The following PLD1 variants were observed in gnomAD, a reference collection of about 807,000 sequenced individuals.
PLD1 encodes the protein phospholipase D1.
A neutral mutation model predicts 137.1 loss-of-function variants in PLD1; 112 were observed. The ratio of observed to expected loss-of-function variants is 0.82; its 90% CI spans 0.70 to 0.96. The LOEUF (loss-of-function observed/expected upper bound fraction) is 0.96, where lower values mean the gene tolerates loss of function less well. Ranked by LOEUF, PLD1 falls within the 40% of genes least tolerant of loss-of-function variation. The pLI is 0.00. For synonymous variants in PLD1, 431 were observed against 454.7 expected, an observed-to-expected ratio of 0.95 and a Z score of 0.66; for missense variants, 1,321 against 1,342.0, an observed-to-expected ratio of 0.98 and a Z score of 0.24.
chr3:171,658,774 T>C (rs1164979423), intron 21 of PLD1, among the ~76,000 whole-genome samples: 1 of 152,170 alleles, frequency 6.6e-6, no homozygotes, highest in Non-Finnish European at 1.5e-5. Context: ...ATAGTTTAAG[T>C]GGCTGGATTA....
At chr3:171,649,474 T>C (rs1252000444) in intron 21 of PLD1, among the ~76,000 whole-genome samples, 1 of 152,234 alleles carries the variant, frequency 6.6e-6, no homozygotes, top group Non-Finnish European at 1.5e-5. Flanking sequence ...ATCTGCCTCC[T>C]TGATCCAATC....
chr3:171,706,633 C>T (rs12491008), intron 11 of PLD1, among the ~76,000 whole-genome samples: 1 of 152,134 alleles, frequency 6.6e-6, no homozygotes, highest in Non-Finnish European at 1.5e-5. Context: ...CATACTGACT[C>T]CATACAGAGA....
At chr3:171,611,715 G>A (rs958203614) in intron 25 of PLD1, 2 of 482,574 alleles carry the variant, frequency 4.1e-6, no homozygotes, top group Non-Finnish European at 8.2e-6. Context: ...TTATATCCTT[G>A]TATTACTGGA....
chr3:171,637,300 A>G (rs9858001), intron 23 of PLD1, among the ~76,000 whole-genome samples: 12,028 of 152,166 alleles, frequency 0.079, 1,350 homozygotes, highest in African/African-American at 0.25. Flanking sequence ...CAGTGGTGCA[A>G]TCTTGGCTCA....
chr3:171,793,148 C>T (rs1723286858), intron 1 of PLD1: 1 of 154,640 alleles, frequency 6.5e-6, no homozygotes, highest in African/African-American at 2.4e-5. Flanking sequence ...TACTGTAGCT[C>T]CCCTACAAAA....
In PLD1 at chr3:171,803,204, G is replaced by A. The variant is rs147974209; in HGVS notation, c.-32+7195C>T. Among the ~76,000 whole-genome samples, 22 of 152,314 alleles carry A rather than the reference G, an allele frequency of 1.4e-4. No individual in the cohort carries two copies. In the East Asian group the frequency reaches 4.2e-3, roughly 29 times the overall value. On this transcript the variant is annotated intron_variant, in intron 1 of 26. Coordinates refer to ENST00000351298, the MANE Select transcript of PLD1 (RefSeq NM_002662.5). Reference sequence around the variant, plus strand: ...CAAGGGTTAAATTGAATGCAGTTGAGACTTGTACCAGACCAGATCATAGGC... The same window carrying A: ...CAAGGGTTAAATTGAATGCAGTTGAAACTTGTACCAGACCAGATCATAGGC...
chr3:171,688,839 T>C lies in PLD1; in HGVS notation c.1376A>G (p.Tyr459Cys), dbSNP rs774453063. 1.9e-6 allele frequency: 3 copies of C among 1,613,892 alleles called. No individual in the cohort carries two copies. The highest frequency in any genetic ancestry group is 2.2e-5 in the East Asian group (1 of 44,880). ...AAGCTTCTCATGGTGAGCCCACAAA[T>C]AGACGGTGGATGACACATGATCCGG... ...RHPDHVSSTV[Y>C]LWAHHEKLVI... The change falls in exon 14 of 27, where the codon TAT becomes TGT. Residue 459 changes from tyrosine (Y) to cysteine (C), a missense_variant. Coordinates refer to ENST00000351298, the MANE Select transcript of PLD1 (RefSeq NM_002662.5).
At chr3:171,603,383 A>G (rs1254789207) in intron 26 of PLD1, 81 bp from the exon 27 acceptor site, 1 of 895,860 alleles carries the variant, frequency 1.1e-6, no homozygotes, top group African/African-American at 1.7e-5. Context: ...TTATTCCAAC[A>G]GACAAGACCT....
At chr3:171,757,041 C>A (rs923579887) in intron 1 of PLD1, among the ~76,000 whole-genome samples, 2 of 152,054 alleles carry the variant, frequency 1.3e-5, no homozygotes, top group Non-Finnish European at 2.9e-5. Context: ...GGCAGAAAAA[C>A]CAGAGGCAAA....
chr3:171,785,810 GT>G (rs1452979200), intron 1 of PLD1, among the ~76,000 whole-genome samples: 1 of 152,212 alleles, frequency 6.6e-6, no homozygotes, highest in Admixed American at 6.5e-5. Context: ...ATAACCACGT[GT>G]GGCTAGGGGA....
intron 21 of PLD1, among the ~76,000 whole-genome samples, chr3:171,651,164 G>A (rs1043044034): frequency 6.6e-6 from 1 of 152,220 alleles, no homozygotes; most frequent in Non-Finnish European, 1.5e-5. Flanking sequence ...AGCTTGATAT[G>A]CTTCGCTAGT....
At chr3:171,739,645 A>C (rs1719630500) in intron 1 of PLD1, among the ~76,000 whole-genome samples, 1 of 152,196 alleles carries the variant, frequency 6.6e-6, no homozygotes, top group Non-Finnish European at 1.5e-5. Flanking sequence ...CTCATTTGTC[A>C]TTAATAATAA....
At chr3:171,639,370 G>A (rs1405221823) in intron 23 of PLD1, among the ~76,000 whole-genome samples, 1 of 126,434 alleles carries the variant, frequency 7.9e-6, no homozygotes, top group Non-Finnish European at 1.6e-5. Flanking sequence ...ATATTATATA[G>A]ATGGATATAT....
chr3:171,768,464 G>A (rs927885464), intron 1 of PLD1, among the ~76,000 whole-genome samples: 6 of 152,158 alleles, frequency 3.9e-5, no homozygotes, highest in African/African-American at 1.4e-4. Flanking sequence ...CAAACCGTAC[G>A]CTGCAAAGAT....
chr3:171,759,592 G>A (rs1030173391), intron 1 of PLD1, among the ~76,000 whole-genome samples: 11 of 152,144 alleles, frequency 7.2e-5, no homozygotes, highest in Admixed American at 1.3e-4. Context: ...AGAAAAAGAA[G>A]AAAAGGGAAC....
intron 23 of PLD1, among the ~76,000 whole-genome samples, chr3:171,637,606 T>C (rs1310400389): frequency 1.3e-5 from 2 of 152,154 alleles, no homozygotes; most frequent in African/African-American, 2.4e-5. Flanking sequence ...TTGGGAAGTA[T>C]AGTAATACAT....
rs1718373734 is a variant in PLD1, at chr3:171,724,708, C to G, written c.746G>C (p.Arg249Thr). 3.7e-6 allele frequency: 6 copies of G among 1,602,566 alleles called. No individual in the cohort carries two copies. Among genetic ancestry groups the G allele is most frequent in the Non-Finnish European group, 5.1e-6 (6 of 1,170,024 alleles). Residue 249 changes from arginine to threonine, a missense_variant, in exon 8 of 27, where the codon AGA (arginine) becomes ACA (threonine). Physicochemically the swap from Arg to Thr is moderately conservative, Grantham distance 71. Coordinates refer to ENST00000351298, the MANE Select transcript of PLD1 (RefSeq NM_002662.5). Reference sequence around the variant, plus strand: ...CACTAATTCCTACCTTTTTGACCATCTGTAGCAGGCTCTTCCCTGACCACA... The same window carrying G: ...CACTAATTCCTACCTTTTTGACCATGTGTAGCAGGCTCTTCCCTGACCACA... ...NCCGQGRACY[R>T]WSKRWLIVKD...
In PLD1 at chr3:171,687,461, T is replaced by C. The variant is rs1421738654; in HGVS notation, c.1663A>G (p.Arg555Gly). ...DSKLKGIGKP[R>G]KFSKFSLYKQ... is the part of the protein sequence containing the mutation. Reference sequence around the variant, plus strand: ...TAGAGACTAAATTTGGAGAACTTTCTTGGCTTTCCTATTCCTTTCAGTTTT... The same window carrying C: ...TAGAGACTAAATTTGGAGAACTTTCCTGGCTTTCCTATTCCTTTCAGTTTT... The change falls in exon 15 of 27, where the codon AGA (arginine) becomes GGA (glycine). Residue 555 changes from arginine (R) to glycine (G), a missense_variant. Coordinates refer to ENST00000351298, the MANE Select transcript of PLD1 (RefSeq NM_002662.5). The C allele has an allele frequency of 1.2e-6, 2 of 1,614,206 alleles. No individual in the cohort carries two copies. The highest frequency in any genetic ancestry group is 1.1e-5 in the South Asian group (1 of 91,084).
Position 171,656,790 on chromosome 3 carries a change from C to T in PLD1, c.2429+2423G>A, listed in dbSNP as rs1737237921. Among the ~76,000 whole-genome samples the T allele has an allele frequency of 3.9e-5, 6 of 152,224 alleles. No individual in the cohort carries two copies. The South Asian group carries it at 1.2e-3, about 31-fold the overall frequency. ...ATCAAGACATCCATCCCATCAGCTACTGAGCATGTAGGCCACGGAATACTC... is the reference window on the plus strand; with the variant it reads ...ATCAAGACATCCATCCCATCAGCTATTGAGCATGTAGGCCACGGAATACTC... On this transcript the variant is annotated intron_variant, in intron 21 of 26. Transcript: ENST00000351298.
Sources: allele counts gnomAD v4.1 joint callset (sites outside exome capture counted in the v4.1 genomes callset), GRCh38; gene constraint gnomAD v4.1.1; transcripts MANE v1.5; gene names NCBI Gene and HGNC (gene_info 2026-07-23, HGNC 2026-07-21).